The following CBR4 variants were observed in gnomAD, a reference collection of about 807,000 sequenced individuals.
CBR4 encodes 3-oxoacyl-[acyl-carrier-protein] reductase.
A neutral mutation model predicts 21.0 loss-of-function variants in CBR4; 22 were observed. The observed-to-expected ratio is 1.05, with a 90% CI of 0.75 to 1.50. CBR4 has a LOEUF of 1.50. Ranked by LOEUF, CBR4 falls within the 40% of genes most tolerant of loss-of-function variation. CBR4 has a pLI of 0.00. For missense variants in CBR4, 302 were observed against 286.3 expected (o/e 1.05, Z -0.40); for synonymous variants, 100 against 104.4 (o/e 0.96, Z 0.26).
chr4:168,940,238 T>G (rs1179398912), intron 2 of CBR4, among the ~76,000 whole-genome samples: 2 of 152,212 alleles, frequency 1.3e-5, no homozygotes, highest in East Asian at 3.8e-4. Context: ...GCTAGCCATA[T>G]GCAGAAAACT....
Position 168,936,595 on chromosome 4 carries a change from C to G in CBR4, n.170-41830G>C, listed in dbSNP as rs368631713. 2.0e-5 allele frequency among the ~76,000 whole-genome samples: 3 copies of G among 152,182 alleles called. No individual in the cohort carries two copies. In the East Asian group the frequency reaches 5.8e-4, roughly 29 times the overall value. On this transcript the variant is annotated intron_variant and non_coding_transcript_variant, in intron 2 of 3. Transcript: ENST00000509108. Reference sequence around the variant, plus strand: ...CAGTTTAGAGAAGAACATAAATGACCTGATGGAGCTGAAAAACACAGCACG... The same window carrying G: ...CAGTTTAGAGAAGAACATAAATGACGTGATGGAGCTGAAAAACACAGCACG...
rs1764755355 is a variant in CBR4 at position 168,988,142 on chromosome 4, A to C, written c.*2008T>G. On this transcript the variant is annotated 3_prime_UTR_variant, in exon 5 of 5. Transcript: ENST00000306193. ...GTTCACAACTGATTTCAGAAATAGA[A>C]GGTAAGTATTAAATTACAAATTCTA... is the stretch of plus-strand genomic sequence containing the variant. 2.0e-6 allele frequency: 2 copies of C among 985,380 alleles called. No homozygotes were observed. Among genetic ancestry groups the C allele is most frequent in the African/African-American group, 3.5e-5 (2 of 57,356 alleles). 61.0% of individuals were successfully genotyped at this position (985,380 alleles called of 1,614,324 possible).
intron 2 of CBR4, among the ~76,000 whole-genome samples, chr4:168,952,663 G>A (rs945695191): frequency 3.9e-5 from 6 of 152,156 alleles, no homozygotes; most frequent in South Asian, 2.1e-4. Flanking sequence ...CCTGAGAGCC[G>A]AGCTGCAGTG....
chr4:169,009,884 G>C, intron 1 of CBR4, 64 bp downstream of exon 1: 3 of 1,468,108 alleles, frequency 2.0e-6, no homozygotes, highest in Non-Finnish European at 2.8e-6. Context: ...TTTTTACAAA[G>C]GAGATTTTCT....
chr4:168,909,782 T>C (rs1463362711), intron 2 of CBR4, among the ~76,000 whole-genome samples: 1 of 152,190 alleles, frequency 6.6e-6, no homozygotes, highest in Non-Finnish European at 1.5e-5. Flanking sequence ...TTGTCAAAAA[T>C]AGTATGTTCA....
chr4:168,948,503 T>C (rs537496229), intron 2 of CBR4, among the ~76,000 whole-genome samples: 1 of 152,352 alleles, frequency 6.6e-6, no homozygotes, highest in Admixed American at 6.5e-5. Flanking sequence ...TTTCAGGTCT[T>C]AGATTTAAGT....
chr4:168,931,197 G>GGCCCCTGAGCTGCTAA (rs1762960251), intron 2 of CBR4, among the ~76,000 whole-genome samples: 1 of 152,136 alleles, frequency 6.6e-6, no homozygotes, highest in East Asian at 1.9e-4. Flanking sequence ...GGCCAAACTG[G>GGCCCCTGAGCTGCTAA]GCCCCTGAGC....
chr4:168,956,222 T>C (rs11132668), intron 2 of CBR4, among the ~76,000 whole-genome samples: 137,705 of 152,120 alleles, frequency 0.91, 62,416 homozygotes, highest in East Asian at 0.96. Flanking sequence ...TGGAAAAGAC[T>C]GGAATACGAA....
At chr4:168,942,007 G>A (rs981550424) in intron 2 of CBR4, among the ~76,000 whole-genome samples, 7 of 152,036 alleles carry the variant, frequency 4.6e-5, no homozygotes, top group Non-Finnish European at 1.0e-4. Context: ...TGATAGACTC[G>A]ATAAAGAAAA....
In CBR4 at chr4:168,931,731, A is replaced by C. The variant is rs367811178; in HGVS notation, n.170-36966T>G. ...TGACACCGTTCACACACATGCCCCC[A>C]ATTTGAGAAACAATCCAGTGAGCCC... On this transcript the variant is annotated intron_variant and non_coding_transcript_variant, in intron 2 of 3. Coordinates refer to the CBR4 transcript ENST00000509108. 6.2e-4 allele frequency among the ~76,000 whole-genome samples: 95 copies of C among 152,228 alleles called. 4 individuals are homozygous for C. The South Asian group carries it at 0.019, about 31-fold the overall frequency.
intron 4 of CBR4, among the ~76,000 whole-genome samples, chr4:168,998,574 G>C (rs1385477222): frequency 6.6e-6 from 1 of 152,142 alleles, no homozygotes; most frequent in East Asian, 1.9e-4. Context: ...CTTTAAGGAT[G>C]ATGAAAACGT....
At chr4:168,960,312 A>G (rs1237761617) in intron 2 of CBR4, among the ~76,000 whole-genome samples, 2 of 152,248 alleles carry the variant, frequency 1.3e-5, no homozygotes, top group Admixed American at 6.5e-5. Context: ...AGTGTCTACT[A>G]TTATTTGAAA....
intron 2 of CBR4, among the ~76,000 whole-genome samples, chr4:168,961,689 C>T (rs4692554): frequency 3.9e-5 from 6 of 152,020 alleles, no homozygotes; most frequent in Admixed American, 6.5e-5. Context: ...CAGGAGTTCG[C>T]GACCAGCCAG....
At chr4:168,927,298 G>A (rs772370182) in intron 2 of CBR4, 9 of 231,430 alleles carry the variant, frequency 3.9e-5, no homozygotes, top group East Asian at 6.1e-5. Context: ...GGTAGCAAAG[G>A]CCAGGCTTTT....
intron 1 of CBR4, among the ~76,000 whole-genome samples, chr4:169,008,481 ATTCT>A (rs1731110072): frequency 6.6e-6 from 1 of 151,674 alleles, no homozygotes; most frequent in Admixed American, 6.6e-5. Context: ...AGCTAAAACA[ATTCT>A]TTATTTTCTG....
intron 2 of CBR4, among the ~76,000 whole-genome samples, chr4:168,938,215 TG>T (rs1354509309): frequency 5.3e-5 from 8 of 152,190 alleles, no homozygotes; most frequent in Non-Finnish European, 8.8e-5. Context: ...GAATGACTAC[TG>T]GGTAAATAAC....
chr4:168,917,978 A>C (rs563999054), intron 2 of CBR4, among the ~76,000 whole-genome samples: 1 of 152,198 alleles, frequency 6.6e-6, no homozygotes, highest in South Asian at 2.1e-4. Flanking sequence ...AGGCGGGCGG[A>C]TCACGAGGTC....
At chr4:168,915,787 A>G in intron 2 of CBR4, 4 of 839,692 alleles carry the variant, frequency 4.8e-6, no homozygotes, top group Non-Finnish European at 7.9e-6. Context: ...GGGATCAGAT[A>G]AGGAAATCAT....
rs566066285 is a variant in CBR4, at chr4:168,899,672, T to C, written n.170-4907A>G. On this transcript the variant is annotated intron_variant and non_coding_transcript_variant, in intron 2 of 3. Transcript: ENST00000509108. ...TGGCTCACGCCTGTAATCCCAGCAT[T>C]TTGCGAGGCCGAGATGGGTGGATCA... Among the ~76,000 whole-genome samples, 5 of 152,202 alleles carry C rather than the reference T, an allele frequency of 3.3e-5. No individual in the cohort carries two copies. In the East Asian group the frequency reaches 7.7e-4, roughly 24 times the overall value.
Sources: allele counts gnomAD v4.1 joint callset (sites outside exome capture counted in the v4.1 genomes callset), GRCh38; gene constraint gnomAD v4.1.1; transcripts MANE v1.5; gene names NCBI Gene and HGNC (gene_info 2026-07-23, HGNC 2026-07-21).